The following ZNF207 variants were observed in gnomAD, a reference collection of about 807,000 sequenced individuals.
ZNF207 encodes zinc finger protein 207, also known as BUB3-interacting and GLEBS motif-containing protein ZNF207.
A neutral mutation model predicts 60.2 loss-of-function variants in ZNF207; 24 were observed. The ratio of observed to expected loss-of-function variants is 0.40; its 90% CI spans 0.29 to 0.56. The LOEUF (loss-of-function observed/expected upper bound fraction) is 0.56, where lower values mean the gene tolerates loss of function less well. Ranked by LOEUF, ZNF207 falls within the 20% of genes least tolerant of loss-of-function variation. The pLI, the probability that ZNF207 is intolerant of heterozygous loss-of-function variation, is 0.49. For synonymous variants in ZNF207, 236 were observed against 194.7 expected (o/e 1.21, Z -1.77); for missense variants, 452 against 636.6 (o/e 0.71, Z 3.12).
intron 8 of ZNF207, among the ~76,000 whole-genome samples, chr17:32,366,355 T>C (rs965902357): frequency 2.0e-5 from 3 of 152,212 alleles, no homozygotes; most frequent in African/African-American, 7.2e-5. Context: ...CAGAATTGGA[T>C]TGAAGTGTCA....
intron 2 of ZNF207, among the ~76,000 whole-genome samples, chr17:32,352,195 C>G (rs536365317): frequency 5.9e-5 from 9 of 152,268 alleles, no homozygotes; most frequent in African/African-American, 1.9e-4. Context: ...GTCTCGAACT[C>G]CTGACCTCAG....
At chr17:32,368,973 C>T (rs893291743) in intron 10 of ZNF207, 7 of 201,208 alleles carry the variant, frequency 3.5e-5, no homozygotes, top group African/African-American at 1.6e-4. Context: ...CCATTGCACT[C>T]CAGCCTGGAC....
At chr17:32,364,089 G>A (rs895243900) in intron 7 of ZNF207, among the ~76,000 whole-genome samples, 9 of 149,902 alleles carry the variant, frequency 6.0e-5, no homozygotes, top group African/African-American at 1.7e-4. Flanking sequence ...CTGATGTGCC[G>A]TGGCACGATC....
intron 6 of ZNF207, 130 bp from the exon 7 acceptor site, chr17:32,362,784 G>T: frequency 3.2e-6 from 2 of 615,944 alleles, no homozygotes; most frequent in South Asian, 2.6e-5. Context: ...TTTCAGCTTT[G>T]ATTCATTTCA....
At chr17:32,367,239 T>TATATA (rs1905206663) in intron 9 of ZNF207, among the ~76,000 whole-genome samples, 11 of 32,190 alleles carry the variant, frequency 3.4e-4, no homozygotes, top group African/African-American at 8.8e-4. Context: ...TTGGAGGGGA[T>TATATA]TATATATATA....
rs1300925033 is a variant in ZNF207, at chr17:32,380,038, G to GA, written c.*10283dup. The GA allele has an allele frequency of 1.3e-5, 2 of 152,408 alleles. No homozygotes were observed. Among genetic ancestry groups the GA allele is most frequent in the African/African-American group, 4.8e-5 (2 of 41,428 alleles). 9.4% of individuals were successfully genotyped at this position (152,408 alleles called of 1,614,324 possible). A position where few individuals can be genotyped will look rare whatever the true frequency, so the allele number is the denominator to read the frequency against. ...GAACAATGATAGTTTTCTAAAATCTGAAAATCAATACCTGAGTATGTGATG... is the reference window on the plus strand; with the variant it reads ...GAACAATGATAGTTTTCTAAAATCTGAAAAATCAATACCTGAGTATGTGATG... On this transcript the variant is annotated 3_prime_UTR_variant, in exon 12 of 12. Coordinates refer to ENST00000394670, the MANE Select transcript of ZNF207 (RefSeq NM_001098507.2).
In ZNF207 at chr17:32,371,232, G is replaced by A. The variant is rs72813019; in HGVS notation, c.*1473G>A. ...CAAGTTGAGTTTTTCTCATTATAAA[G>A]TTAAGACTTCTAAGAAAATGGTAAC... On this transcript the variant is annotated 3_prime_UTR_variant, in exon 12 of 12. Transcript: ENST00000394670. 1.3e-3 allele frequency: 192 copies of A among 152,278 alleles called. No individual in the cohort carries two copies. Among genetic ancestry groups the A allele is most frequent in the Non-Finnish European group, 2.2e-3 (151 of 68,018 alleles). The allele number at this position is 152,278 out of a possible 1,614,324, so 9.4% of individuals were successfully genotyped here. A position where few individuals can be genotyped will look rare whatever the true frequency, so the allele number is the denominator to read the frequency against.
chr17:32,359,066 G>C (rs1904710007), intron 3 of ZNF207, among the ~76,000 whole-genome samples: 1 of 151,818 alleles, frequency 6.6e-6, no homozygotes, highest in Non-Finnish European at 1.5e-5. Flanking sequence ...GCCTCGCAAA[G>C]TGCTGGGATT....
chr17:32,358,115 CTT>C (rs1387104019), intron 2 of ZNF207, among the ~76,000 whole-genome samples: 2 of 152,186 alleles, frequency 1.3e-5, no homozygotes, highest in African/African-American at 4.8e-5. Context: ...GTTTCATAAT[CTT>C]TACTTAATTC....
chr17:32,366,467 G>T (rs1597787976), intron 8 of ZNF207, among the ~76,000 whole-genome samples, 198 bp from the exon 9 acceptor site: 1 of 152,168 alleles, frequency 6.6e-6, no homozygotes, highest in South Asian at 2.1e-4. Flanking sequence ...TATTGATTTA[G>T]AATTAAAATT....
intron 2 of ZNF207, among the ~76,000 whole-genome samples, chr17:32,357,351 A>ATTTTTTTTTTT (rs1164011891): frequency 2.4e-4 from 18 of 73,994 alleles, no homozygotes; most frequent in African/African-American, 9.6e-4. Flanking sequence ...TATTATTATT[A>ATTTTTTTTTTT]TTTTTTTTTT....
intron 2 of ZNF207, among the ~76,000 whole-genome samples, chr17:32,354,182 G>A (rs2150787805): frequency 6.6e-6 from 1 of 152,264 alleles, no homozygotes; most frequent in South Asian, 2.1e-4. Context: ...GTCTCACTAT[G>A]TTGCACAGGC....
At chr17:32,350,365 T>TTGTTGGGGC in intron 1 of ZNF207, 39 bp downstream of exon 1, 1 of 1,613,504 alleles carries the variant, frequency 6.2e-7, no homozygotes, top group Non-Finnish European at 8.5e-7. Flanking sequence ...CGCGTTGGGG[T>TTGTTGGGGC]GCCGGTTGTT....
rs961524633 is a variant in ZNF207, at chr17:32,372,401, A to C, written c.*2642A>C. 1 of 152,240 alleles carries C rather than the reference A, an allele frequency of 6.6e-6. No individual in the cohort carries two copies. The highest frequency in any genetic ancestry group is 1.5e-5 in the Non-Finnish European group (1 of 68,046). 9.4% of individuals were successfully genotyped at this position (152,240 alleles called of 1,614,324 possible). ...TATACGGTTATTGACAAACTGCAAT[A>C]GGGTTAGTAGACCTGTTTCAGAAAT... is the stretch of plus-strand genomic sequence containing the variant. On this transcript the variant is annotated 3_prime_UTR_variant, in exon 12 of 12. Transcript: ENST00000394670.
chr17:32,367,261 ATATATATATATATATATATAT>A (rs1567824908), intron 9 of ZNF207, among the ~76,000 whole-genome samples: 27 of 113,432 alleles, frequency 2.4e-4, no homozygotes, highest in African/African-American at 4.5e-4. Flanking sequence ...ATATATATAT[ATATATATATATATATATATAT>A]ATAAAGAATA....
intron 2 of ZNF207, among the ~76,000 whole-genome samples, chr17:32,358,170 G>C (rs1007267170): frequency 6.6e-6 from 1 of 152,182 alleles, no homozygotes; most frequent in Non-Finnish European, 1.5e-5. Flanking sequence ...ACTAGTTACT[G>C]CTAATAATTG....
chr17:32,365,256 T>C, intron 7 of ZNF207, 74 bp from the exon 8 acceptor site: 4 of 1,483,332 alleles, frequency 2.7e-6, no homozygotes, highest in South Asian at 1.2e-5. Context: ...TTAATAACTT[T>C]GTAGTATAGA....
intron 10 of ZNF207, chr17:32,368,344 A>G (rs1597792283): frequency 7.3e-6 from 2 of 274,782 alleles, no homozygotes; most frequent in Non-Finnish European, 1.4e-5. Flanking sequence ...AGTGTGAAGT[A>G]GAATCTGCAG....
At chr17:32,352,884 T>G (rs2041531927) in intron 2 of ZNF207, among the ~76,000 whole-genome samples, 1 of 152,158 alleles carries the variant, frequency 6.6e-6, no homozygotes, top group Non-Finnish European at 1.5e-5. Context: ...ATTTAATAAT[T>G]TCTAGGTTTC....
Sources: allele counts gnomAD v4.1 joint callset (sites outside exome capture counted in the v4.1 genomes callset), GRCh38; gene constraint gnomAD v4.1.1; transcripts MANE v1.5; gene names NCBI Gene and HGNC (gene_info 2026-07-23, HGNC 2026-07-21).